ALMS1: variants seen among roughly 807,000 people sequenced by gnomAD.
The protein encoded by ALMS1 is centrosome-associated protein ALMS1.
ALMS1 carries 271 observed loss-of-function variants against 352.2 expected under a neutral mutation model. The observed-to-expected ratio is 0.77, with a 90% confidence interval of 0.70 to 0.85. The LOEUF is 0.85. Ranked by LOEUF, ALMS1 falls within the 40% of genes least tolerant of loss-of-function variation. The probability of loss-of-function intolerance (pLI) is 0.00; values close to 1 mark genes in which losing one functional copy is unlikely to be tolerated. For synonymous variants in ALMS1, 1,865 were observed against 1,761.2 expected (o/e 1.06, Z -1.48); for missense variants, 5,445 against 4,870.7 (o/e 1.12, Z -3.51).
intron 16 of ALMS1, among the ~76,000 whole-genome samples, chr2:73,586,568 T>G (rs1288034539): frequency 3.3e-5 from 5 of 152,190 alleles, no homozygotes. Context: ...AGTATTTGGC[T>G]TTATTTCTGG....
intron 10 of ALMS1, among the ~76,000 whole-genome samples, chr2:73,510,759 G>A (rs1673433235): frequency 6.6e-6 from 1 of 152,210 alleles, no homozygotes; most frequent in African/African-American, 2.4e-5. Flanking sequence ...GAGATCTGCT[G>A]CTCTATTCAG....
At position 73,454,035 on chromosome 2, in the gene ALMS1, C is replaced by T. The variant is rs1335111942; in HGVS notation, c.7508C>T (p.Ala2503Val). 2 of 1,612,730 alleles carry T rather than the reference C, an allele frequency of 1.2e-6. 1 individual carries two copies. The highest frequency in any genetic ancestry group is 2.2e-5 in the South Asian group (2 of 90,902). The stretch of plus-strand genomic sequence containing the variant: ...CATGCTAAAGAAATACTCAGAAATG[C>T]AGAGGAAGAGGAAAGCCGGGTACGA... Reference protein sequence around the residue: ...LNHAKEILRNAEEEESRVRAH... With the variant: ...LNHAKEILRNVEEEESRVRAH... Residue 2503 changes from alanine to valine, a missense_variant, in exon 8 of 23, where the codon GCA becomes GTA. Transcript: ENST00000613296.
rs34628186 is a variant in ALMS1, at chr2:73,522,264, G to A, written c.9781+2248G>A. Among the ~76,000 whole-genome samples, 911 of 152,218 alleles carry A rather than the reference G, an allele frequency of 6.0e-3. 30 individuals are homozygous for A. The East Asian group carries it at 0.079, about 13-fold the overall frequency. On this transcript the variant is annotated intron_variant, in intron 11 of 22. Transcript: ENST00000613296. ...TTGCTGTTAATTTTCTCCAACCTGT[G>A]AACTGCATGGCATATTCAGCCATTG...
At chr2:73,574,523 A>G (rs577224966) in intron 16 of ALMS1, among the ~76,000 whole-genome samples, 140 of 152,308 alleles carry the variant, frequency 9.2e-4, no homozygotes, top group African/African-American at 2.7e-3. Flanking sequence ...GTCAGATTAC[A>G]TGATCAAAAG....
chr2:73,386,109 C>T lies in ALMS1; in HGVS notation c.241C>T (p.Gln81Ter). The T allele has an allele frequency of 6.3e-7, 1 of 1,588,256 alleles. No homozygotes were observed. Among genetic ancestry groups the T allele is most frequent in the Admixed American group, 1.8e-5 (1 of 56,264 alleles). ...EEDEEAKAWL[Q>*]AHPGRILPPL... ...GGACGAGGAGGCCAAGGCCTGGCTG[C>T]AGGCGCACCCCGGCAGGATTTTGCC... Residue 81 changes from glutamine to a stop codon, truncating the protein, a stop_gained, in exon 1 of 23, where the codon CAG (glutamine) becomes TAG (stop). Transcript: ENST00000613296. LOFTEE classifies it high-confidence loss of function.
chr2:73,412,854 T>G (rs1479676965), intron 2 of ALMS1, among the ~76,000 whole-genome samples: 1 of 152,054 alleles, frequency 6.6e-6, no homozygotes, highest in Non-Finnish European at 1.5e-5. Flanking sequence ...ATAAGGTAAT[T>G]GTATGTTTAA....
At chr2:73,486,418 A>G (rs574971204) in intron 9 of ALMS1, among the ~76,000 whole-genome samples, 8 of 152,244 alleles carry the variant, frequency 5.3e-5, no homozygotes, top group African/African-American at 1.4e-4. Context: ...GAGTGGGTCT[A>G]GTTTTTTCTG....
At chr2:73,419,584 T>G (rs899575916) in intron 3 of ALMS1, among the ~76,000 whole-genome samples, 3 of 152,178 alleles carry the variant, frequency 2.0e-5, no homozygotes, top group Non-Finnish European at 4.4e-5. Flanking sequence ...TGTGTGTGCC[T>G]CCTCAGTCTT....
chr2:73,447,699 A>G lies in ALMS1; in HGVS notation c.1433-261A>G, dbSNP rs531844029. On this transcript the variant is annotated intron_variant, in intron 7 of 22. Coordinates refer to ENST00000613296, the MANE Select transcript of ALMS1 (RefSeq NM_001378454.1). ...TCATTGAAAATTCTCTTAAAAATCCAAGTTGTAAGATCCATATAATATTTC... is the reference window on the plus strand; with the variant it reads ...TCATTGAAAATTCTCTTAAAAATCCGAGTTGTAAGATCCATATAATATTTC... 1.6e-3 allele frequency among the ~76,000 whole-genome samples: 245 copies of G among 152,292 alleles called. 3 individuals are homozygous for G. The highest frequency in any genetic ancestry group is 5.1e-3 in the African/African-American group (212 of 41,558).
At chr2:73,515,070 A>G (rs1357623816) in intron 10 of ALMS1, among the ~76,000 whole-genome samples, 3 of 152,086 alleles carry the variant, frequency 2.0e-5, no homozygotes, top group Non-Finnish European at 1.5e-5. Context: ...AAGATTACAC[A>G]TGTATTGGAT....
At chr2:73,439,596 G>A (rs7585124) in intron 7 of ALMS1, among the ~76,000 whole-genome samples, 57,885 of 151,776 alleles carry the variant, frequency 0.38, 15,332 homozygotes, top group African/African-American at 0.75. Context: ...GCTGGAGTAC[G>A]GTGGTGTGAT....
chr2:73,479,118 TGTTA>T (rs535768947), intron 9 of ALMS1, among the ~76,000 whole-genome samples: 7 of 152,268 alleles, frequency 4.6e-5, no homozygotes, highest in African/African-American at 1.7e-4. Flanking sequence ...ATTTTTAAAG[TGTTA>T]GTTTTGTCCA....
intron 12 of ALMS1, among the ~76,000 whole-genome samples, chr2:73,538,836 G>T (rs1315823888): frequency 6.6e-6 from 1 of 152,234 alleles, no homozygotes; most frequent in African/African-American, 2.4e-5. Context: ...GAGGCTGGGG[G>T]ATGGGCGCCC....
rs1322100078 is a variant in ALMS1 at position 73,449,282 on chromosome 2, C to T, written c.2755C>T (p.Gln919Ter). 6.2e-7 allele frequency: 1 copy of T among 1,614,020 alleles called. No individual in the cohort carries two copies. The highest frequency in any genetic ancestry group is 2.2e-5 in the East Asian group (1 of 44,872). Residue 919 changes from glutamine (Q) to a stop codon, truncating the protein, a stop_gained, in exon 8 of 23, where the codon CAG (glutamine) becomes TAG (stop). Transcript: ENST00000613296. LOFTEE classifies it high-confidence loss of function. ...SHREKPIIFS[Q>*]QTLPDFLFPE... ...CAGAGAGAAGCCCATTATTTTTTCC[C>T]AGCAGACCCTGCCAGACTTTCTTTT...
At chr2:73,591,114 A>G (rs1372660509) in intron 16 of ALMS1, among the ~76,000 whole-genome samples, 4 of 151,952 alleles carry the variant, frequency 2.6e-5, no homozygotes, top group Non-Finnish European at 5.9e-5. Context: ...CTGGCTTCCT[A>G]TTGATTTTTA....
intron 15 of ALMS1, among the ~76,000 whole-genome samples, chr2:73,565,223 G>T (rs1674778217): frequency 6.6e-6 from 1 of 152,088 alleles, no homozygotes; most frequent in Admixed American, 6.5e-5. Context: ...CTCAGACTGG[G>T]ACAGGAGATA....
chr2:73,587,089 G>A (rs1417868027), intron 16 of ALMS1, among the ~76,000 whole-genome samples: 2 of 152,104 alleles, frequency 1.3e-5, no homozygotes, highest in South Asian at 4.1e-4. Flanking sequence ...GTCTTTGTTG[G>A]TGCATAGCAG....
At chr2:73,590,872 G>C (rs1345128161) in intron 16 of ALMS1, among the ~76,000 whole-genome samples, 1 of 151,482 alleles carries the variant, frequency 6.6e-6, no homozygotes, top group East Asian at 1.9e-4. Context: ...GTAGAGACGG[G>C]GTTTCACCAT....
At chr2:73,442,344 G>C (rs1671735849) in intron 7 of ALMS1, among the ~76,000 whole-genome samples, 1 of 151,978 alleles carries the variant, frequency 6.6e-6, no homozygotes, top group Non-Finnish European at 1.5e-5. Flanking sequence ...CTATGATGAT[G>C]GGCACTGCTA....
Sources: gnomAD v4.1 joint callset for allele counts (sites outside exome capture counted in the v4.1 genomes callset) on GRCh38, gnomAD v4.1.1 for gene constraint, MANE v1.5 for transcripts, NCBI Gene and HGNC (gene_info 2026-07-23, HGNC 2026-07-21) for gene names.